Variants in CGNL1 observed in about 807,000 individuals in gnomAD.
The protein encoded by CGNL1 is cingulin like 1.
In CGNL1, 132 loss-of-function variants were observed where a neutral mutation model predicts 141.2. The ratio of observed to expected loss-of-function variants is 0.93; its 90% confidence interval spans 0.81 to 1.08. The LOEUF is 1.08. Among genes scored for constraint, CGNL1 ranks in the 50% least tolerant of loss-of-function variants. The probability of loss-of-function intolerance (pLI) is 0.00; values close to 1 mark genes in which losing one functional copy is unlikely to be tolerated. For missense variants in CGNL1, 1,870 were observed against 1,588.6 expected (o/e 1.18, Z -3.01); for synonymous variants, 690 against 622.1 (o/e 1.11, Z -1.63).
chr15:57,527,978 G>T lies in CGNL1; in HGVS notation c.3040-676G>T, dbSNP rs570118215. Among the ~76,000 whole-genome samples the T allele has an allele frequency of 3.3e-5, 5 of 152,332 alleles. No individual in the cohort carries two copies. In the East Asian group the frequency reaches 9.6e-4, roughly 29 times the overall value. On this transcript the variant is annotated intron_variant, in intron 12 of 18. Coordinates refer to ENST00000281282, the MANE Select transcript of CGNL1 (RefSeq NM_032866.5). ...TAGTAAAAACGACATTTTGCATTCAGCTGAGCACGGTGGCTCATGCCTGCA... is the reference window on the plus strand; with the variant it reads ...TAGTAAAAACGACATTTTGCATTCATCTGAGCACGGTGGCTCATGCCTGCA...
At chr15:57,482,869 C>A (rs557224916) in intron 8 of CGNL1, among the ~76,000 whole-genome samples, 68 of 152,042 alleles carry the variant, frequency 4.5e-4, no homozygotes, top group African/African-American at 1.6e-3. Flanking sequence ...ACTGCAACCT[C>A]TGCCTTCCGG....
At chr15:57,398,097 C>G (rs79005656) in intron 1 of CGNL1, among the ~76,000 whole-genome samples, 3,953 of 152,248 alleles carry the variant, frequency 0.026, 63 homozygotes, top group East Asian at 0.037. Context: ...AAATTTCAAT[C>G]TTTCTTTCAC....
At chr15:57,454,213 C>A (rs2063353537) in intron 7 of CGNL1, among the ~76,000 whole-genome samples, 1 of 152,112 alleles carries the variant, frequency 6.6e-6, no homozygotes, top group Non-Finnish European at 1.5e-5. Flanking sequence ...ATTATCATCA[C>A]CTGTATTCTA....
At chr15:57,512,082 G>C (rs1849106571) in intron 8 of CGNL1, among the ~76,000 whole-genome samples, 2 of 152,042 alleles carry the variant, frequency 1.3e-5, no homozygotes, top group African/African-American at 4.8e-5. Flanking sequence ...GCTCTGTCTT[G>C]GTGCAGTTCT....
At chr15:57,547,307 T>G (rs774605613) in intron 18 of CGNL1, 48 bp from the exon 19 acceptor site, 1 of 1,603,072 alleles carries the variant, frequency 6.2e-7, no homozygotes, top group Admixed American at 1.7e-5. Context: ...AAATTAGCTA[T>G]GGGCCCCGGC....
intron 10 of CGNL1, among the ~76,000 whole-genome samples, chr15:57,523,227 A>G (rs528132894): frequency 6.6e-6 from 1 of 152,314 alleles, no homozygotes; most frequent in South Asian, 2.1e-4. Flanking sequence ...AGCCTTGGCC[A>G]TGTATTTCTG....
intron 8 of CGNL1, among the ~76,000 whole-genome samples, chr15:57,503,325 A>G (rs1228137413): frequency 6.6e-6 from 1 of 152,174 alleles, no homozygotes; most frequent in African/African-American, 2.4e-5. Flanking sequence ...ACCTGGGTTG[A>G]TGTGGGTATC....
rs774205459 is a variant in CGNL1, at chr15:57,518,509, G to A, written c.2715+12G>A. On this transcript the variant is annotated intron_variant, in intron 10 of 18. Coordinates refer to ENST00000281282, the MANE Select transcript of CGNL1 (RefSeq NM_032866.5). ...TGGAGGCTGCTCAGGTAAACACCAA[G>A]GGCTGTTGTCATTACTCCCTCAAGA... 1.9e-6 allele frequency: 3 copies of A among 1,574,242 alleles called. No individual in the cohort carries two copies. Among genetic ancestry groups the A allele is most frequent in the African/African-American group, 2.7e-5 (2 of 74,080 alleles).
At chr15:57,446,214 G>A (rs1462533609) in intron 4 of CGNL1, among the ~76,000 whole-genome samples, 8 of 151,926 alleles carry the variant, frequency 5.3e-5, no homozygotes, top group African/African-American at 1.9e-4. Context: ...GTTTTATTGG[G>A]GTATAACTTA....
At chr15:57,441,955 T>C (rs1369805839) in intron 3 of CGNL1, among the ~76,000 whole-genome samples, 2 of 152,040 alleles carry the variant, frequency 1.3e-5, no homozygotes, top group African/African-American at 2.4e-5. Context: ...TAGTGTAAGA[T>C]TCAGATGTAC....
intron 10 of CGNL1, among the ~76,000 whole-genome samples, chr15:57,518,741 G>C (rs2031029978): frequency 1.3e-5 from 2 of 152,232 alleles, no homozygotes; most frequent in Admixed American, 6.5e-5. Context: ...CGCCTCGTGG[G>C]TGGAAAACAG....
At chr15:57,381,234 G>A (rs1485949375) in intron 1 of CGNL1, among the ~76,000 whole-genome samples, 1 of 152,120 alleles carries the variant, frequency 6.6e-6, no homozygotes, top group Non-Finnish European at 1.5e-5. Context: ...TGAGGAAACT[G>A]AGGCCCAAGG....
At chr15:57,462,193 A>G (rs2063456038) in intron 8 of CGNL1, among the ~76,000 whole-genome samples, 1 of 151,980 alleles carries the variant, frequency 6.6e-6, no homozygotes. Flanking sequence ...GGAGGGATGT[A>G]CTCTCCCAGG....
chr15:57,403,582 C>T (rs1319587099), intron 1 of CGNL1, among the ~76,000 whole-genome samples: 5 of 152,164 alleles, frequency 3.3e-5, no homozygotes, highest in African/African-American at 9.7e-5. Flanking sequence ...GAGGCTGACC[C>T]GCAGCCCTTT....
rs1337872355 is a variant in CGNL1, at chr15:57,405,762, TTCTTTCTTTCTC to T, written c.-16+29197_-16+29208del. On this transcript the variant is annotated intron_variant, in intron 1 of 18. Coordinates refer to ENST00000281282, the MANE Select transcript of CGNL1 (RefSeq NM_032866.5). ...TCTTTCTTTTCCTTTTTCTTTTTCT[TTCTTTCTTTCTC>T]TTTCTTTCTTTCTTTCTTTCTTTCT... Among the ~76,000 whole-genome samples the T allele has an allele frequency of 1.2e-4, 17 of 144,648 alleles. 1 individual carries two copies. The South Asian group carries it at 1.4e-3, about 12-fold the overall frequency. The allele number at this position is 144,648 out of a possible 152,430, so 94.9% of individuals were successfully genotyped here. A position where few individuals can be genotyped will look rare whatever the true frequency, so the allele number is the denominator to read the frequency against.
chr15:57,391,739 C>T (rs1285795827), intron 1 of CGNL1, among the ~76,000 whole-genome samples: 1 of 152,144 alleles, frequency 6.6e-6, no homozygotes, highest in African/African-American at 2.4e-5. Flanking sequence ...TTTGAAGACC[C>T]AGGCTTATTT....
intron 1 of CGNL1, among the ~76,000 whole-genome samples, chr15:57,421,268 G>A (rs2062911630): frequency 6.6e-6 from 1 of 152,204 alleles, no homozygotes; most frequent in Non-Finnish European, 1.5e-5. Flanking sequence ...ATATATTTCT[G>A]TTGTTTAAGC....
chr15:57,545,095 C>T (rs1473463286), intron 16 of CGNL1, among the ~76,000 whole-genome samples: 7 of 152,184 alleles, frequency 4.6e-5, no homozygotes, highest in African/African-American at 1.7e-4. Flanking sequence ...CAGTTCTCTG[C>T]AGCTAACTCT....
intron 14 of CGNL1, among the ~76,000 whole-genome samples, chr15:57,534,123 A>G (rs28714546): frequency 0.019 from 2,855 of 152,276 alleles, 93 homozygotes; most frequent in African/African-American, 0.065. Flanking sequence ...CGTCTGACTC[A>G]CCCTTTACTT....
Sources: allele counts gnomAD v4.1 joint callset (sites outside exome capture counted in the v4.1 genomes callset), GRCh38; gene constraint gnomAD v4.1.1; transcripts MANE v1.5; gene names NCBI Gene and HGNC (gene_info 2026-07-23, HGNC 2026-07-21).